The following NOTCH2NLC variants were observed in gnomAD, a reference collection of about 807,000 sequenced individuals.
NOTCH2NLC encodes notch homolog 2 N-terminal-like protein C.
A neutral mutation model predicts 17.7 loss-of-function variants in NOTCH2NLC; 4 were observed. The ratio of observed to expected loss-of-function variants is 0.23; its 90% CI spans 0.11 to 0.52. The LOEUF is 0.52. Among genes scored for constraint, NOTCH2NLC ranks in the 20% least tolerant of loss-of-function variants. NOTCH2NLC has a pLI of 0.96. For missense variants in NOTCH2NLC, 57 were observed against 207.2 expected (o/e 0.28, Z 4.45); for synonymous variants, 18 against 86.0 (o/e 0.21, Z 4.38).
At chr1:149,399,797 A>G (rs2084232663) in intron 1 of NOTCH2NLC, among the ~76,000 whole-genome samples, 1 of 142,708 alleles carries the variant, frequency 7.0e-6, no homozygotes, top group South Asian at 2.2e-4. Context: ...TATTCTTTCT[A>G]AGAGAGTTAA....
intron 1 of NOTCH2NLC, among the ~76,000 whole-genome samples, chr1:149,393,069 C>CAAAAA (rs1158506660): frequency 1.2e-4 from 5 of 43,050 alleles, no homozygotes; most frequent in African/African-American, 2.5e-4. Flanking sequence ...GACTCCGTCT[C>CAAAAA]AAAAAAAAAA....
rs1195265638 is a variant in NOTCH2NLC, at chr1:149,432,572, T to G, written c.209+1557T>G. 5.0e-3 allele frequency among the ~76,000 whole-genome samples: 749 copies of G among 151,212 alleles called. 26 individuals are homozygous for G. The highest frequency in any genetic ancestry group is 0.01 in the Middle Eastern group (3 of 288). On this transcript the variant is annotated intron_variant, in intron 2 of 4. Coordinates refer to ENST00000650865, the MANE Select transcript of NOTCH2NLC (RefSeq NM_001364013.2). Reference sequence around the variant, plus strand: ...AGTAGGCCACTGAAATCTTGTTTAGTCTTTTTGTGGCATTTGGTGCCTTAG... The same window carrying G: ...AGTAGGCCACTGAAATCTTGTTTAGGCTTTTTGTGGCATTTGGTGCCTTAG...
intron 2 of NOTCH2NLC, among the ~76,000 whole-genome samples, chr1:149,453,308 TTCTCATGCCTCAGCCTCCCGAG>T (rs2084598718): frequency 8.7e-6 from 1 of 115,108 alleles, no homozygotes; most frequent in Non-Finnish European, 1.9e-5. Flanking sequence ...GTTCAAGCAA[TTCTCATGCCTCAGCCTCCCGAG>T]TAGCTGGGAT....
chr1:149,429,725 G>A (rs1356070517), intron 1 of NOTCH2NLC, among the ~76,000 whole-genome samples: 2 of 151,266 alleles, frequency 1.3e-5, no homozygotes, highest in Non-Finnish European at 3.0e-5. Context: ...CTGACATCCA[G>A]CTTGCACCTG....
At chr1:149,413,214 C>G (rs1178899591) in intron 1 of NOTCH2NLC, among the ~76,000 whole-genome samples, 6 of 150,950 alleles carry the variant, frequency 4.0e-5, no homozygotes, top group Non-Finnish European at 5.9e-5. Context: ...GGCCAGATGT[C>G]TGACTTTTTA....
intron 2 of NOTCH2NLC, among the ~76,000 whole-genome samples, chr1:149,432,428 C>T (rs1281797745): frequency 6.6e-6 from 1 of 150,676 alleles, no homozygotes; most frequent in African/African-American, 2.4e-5. Flanking sequence ...TTTTATGTAG[C>T]TTATTATGGG....
chr1:149,409,371 T>C (rs1397675782), intron 1 of NOTCH2NLC, among the ~76,000 whole-genome samples: 1 of 150,630 alleles, frequency 6.6e-6, no homozygotes, highest in Admixed American at 6.6e-5. Context: ...GAATAGACCT[T>C]GGAATTGTTT....
intron 1 of NOTCH2NLC, among the ~76,000 whole-genome samples, chr1:149,430,531 T>A (rs1299107468): frequency 6.8e-6 from 1 of 146,600 alleles, no homozygotes; most frequent in Admixed American, 6.9e-5. Flanking sequence ...AAGTAATTCA[T>A]CAGTATAATG....
rs1190069176 is a variant in NOTCH2NLC, at chr1:149,471,737, A to T, written c.*7584A>T. 6.7e-6 allele frequency among the ~76,000 whole-genome samples: 1 copy of T among 149,614 alleles called. No individual in the cohort carries two copies. Among genetic ancestry groups the T allele is most frequent in the Admixed American group, 6.7e-5 (1 of 14,964 alleles). On this transcript the variant is annotated 3_prime_UTR_variant, in exon 5 of 5. Coordinates refer to ENST00000650865, the MANE Select transcript of NOTCH2NLC (RefSeq NM_001364013.2). ...CAGAACTTTTGGAATATGGTAAAAG[A>T]CACTGAAATATATGCTTAAAAATGG...
chr1:149,460,932 TCTCTCTCTTTCC>T (rs2084645966), intron 3 of NOTCH2NLC, among the ~76,000 whole-genome samples: 1 of 138,948 alleles, frequency 7.2e-6, no homozygotes, highest in Non-Finnish European at 1.6e-5. Flanking sequence ...TTTCTCTCTT[TCTCTCTCTTTCC>T]CTCTCTCTTT....
intron 1 of NOTCH2NLC, among the ~76,000 whole-genome samples, chr1:149,398,780 C>T (rs1436986328): frequency 3.3e-5 from 5 of 151,144 alleles, no homozygotes; most frequent in African/African-American, 1.2e-4. Flanking sequence ...TGGAGGCTTG[C>T]CTAGGGCAGT....
chr1:149,442,112 C>T lies in NOTCH2NLC; in HGVS notation c.209+11097C>T, dbSNP rs1253759946. On this transcript the variant is annotated intron_variant, in intron 2 of 4. Coordinates refer to ENST00000650865, the MANE Select transcript of NOTCH2NLC (RefSeq NM_001364013.2). ...TCCATCGAGGCTGAAATACCTACCT[C>T]CATTCTGTGCTCAAGAAAACAGGCT... 2.1e-4 allele frequency among the ~76,000 whole-genome samples: 31 copies of T among 150,922 alleles called. 1 individual carries two copies. The East Asian group carries it at 6.1e-3, about 30-fold the overall frequency.
At position 149,427,251 on chromosome 1, in the gene NOTCH2NLC, A is replaced by T. The variant is rs1407579747; in HGVS notation, c.136-3691A>T. 5.4e-5 allele frequency among the ~76,000 whole-genome samples: 8 copies of T among 148,772 alleles called. 1 individual carries two copies. The highest frequency in any genetic ancestry group is 2.0e-4 in the African/African-American group (8 of 40,682). On this transcript the variant is annotated intron_variant, in intron 1 of 4. Coordinates refer to ENST00000650865, the MANE Select transcript of NOTCH2NLC (RefSeq NM_001364013.2). ...ATATACAAAAAAATTCTTCTTGTGTAACTGTAGCTTTTTGTACCCATTGAT... is the reference window on the plus strand; with the variant it reads ...ATATACAAAAAAATTCTTCTTGTGTTACTGTAGCTTTTTGTACCCATTGAT...
intron 2 of NOTCH2NLC, among the ~76,000 whole-genome samples, chr1:149,439,918 C>T (rs2084505972): frequency 6.8e-6 from 1 of 146,634 alleles, no homozygotes; most frequent in African/African-American, 2.5e-5. Flanking sequence ...AAACAGTCTT[C>T]TACTTGATCT....
At chr1:149,426,285 G>A (rs1482664569) in intron 1 of NOTCH2NLC, among the ~76,000 whole-genome samples, 14 of 80,794 alleles carry the variant, frequency 1.7e-4, no homozygotes, top group East Asian at 3.8e-4. Flanking sequence ...GGAACTTATC[G>A]CTTATTACTG....
chr1:149,398,522 T>C (rs1239334945), intron 1 of NOTCH2NLC, among the ~76,000 whole-genome samples: 2 of 150,602 alleles, frequency 1.3e-5, no homozygotes, highest in Admixed American at 6.6e-5. Context: ...CAGGTGGCAT[T>C]GATTAATCAT....
chr1:149,460,297 A>C (rs2084634653), intron 3 of NOTCH2NLC, among the ~76,000 whole-genome samples: 2 of 140,970 alleles, frequency 1.4e-5, no homozygotes, highest in Non-Finnish European at 3.1e-5. Context: ...ATTAAGAAGG[A>C]TCTCTTTTTG....
At chr1:149,445,727 C>T (rs1361656772) in intron 2 of NOTCH2NLC, among the ~76,000 whole-genome samples, 1 of 149,406 alleles carries the variant, frequency 6.7e-6, no homozygotes, top group Non-Finnish European at 1.5e-5. Context: ...GCAGTGCCGA[C>T]GCAACCCACA....
chr1:149,417,326 TCTCGATCTCCTGAC>T (rs1340407922), intron 1 of NOTCH2NLC, among the ~76,000 whole-genome samples: 2 of 150,776 alleles, frequency 1.3e-5, no homozygotes, highest in Admixed American at 1.3e-4. Context: ...GCCAGGATGG[TCTCGATCTCCTGAC>T]CTCGTGATCC....
Sources: allele counts gnomAD v4.1 joint callset (sites outside exome capture counted in the v4.1 genomes callset), GRCh38; gene constraint gnomAD v4.1.1; transcripts MANE v1.5; gene names NCBI Gene and HGNC (gene_info 2026-07-23, HGNC 2026-07-21).